Variants in LDLRAD4 observed in about 807,000 individuals in gnomAD.
LDLRAD4 encodes the protein low density lipoprotein receptor class A domain containing 4.
A neutral mutation model predicts 17.0 loss-of-function variants in LDLRAD4; 5 were observed. That is an observed-to-expected ratio of 0.29 (90% confidence interval 0.15 to 0.62). The LOEUF is 0.62. LDLRAD4 is among the 20% of genes least tolerant of loss of function. LDLRAD4 has a pLI of 0.84. For synonymous variants in LDLRAD4, 168 were observed against 171.8 expected, an observed-to-expected ratio of 0.98 and a Z score of 0.17; for missense variants, 340 against 424.7, an observed-to-expected ratio of 0.80 and a Z score of 1.75.
intron 1 of LDLRAD4, among the ~76,000 whole-genome samples, chr18:13,352,666 A>T (rs1316043337): frequency 6.6e-6 from 1 of 152,002 alleles, no homozygotes; most frequent in Non-Finnish European, 1.5e-5. Context: ...TCCTTCAAAT[A>T]ATATCTTCCT....
At chr18:13,217,897 C>G (rs1244999269), upstream of LDLRAD4, 3 of 151,278 alleles carry the variant, frequency 2.0e-5, no homozygotes, top group Non-Finnish European at 4.4e-5. The surrounding 1 kb of genome is among the most constrained non-coding windows in gnomAD (Gnocchi z 4.9). Context: ...AAAGTGGAAG[C>G]AGGGCGGGGA....
chr18:13,293,737 G>A (rs183563899), intron 1 of LDLRAD4, among the ~76,000 whole-genome samples: 1 of 152,312 alleles, frequency 6.6e-6, no homozygotes, highest in African/African-American at 2.4e-5. Context: ...TTTCCGCATT[G>A]CATGTTAATT....
Position 13,529,872 on chromosome 18 carries a change from G to A in LDLRAD4, c.182-91245G>A, listed in dbSNP as rs547617398. 2.1e-3 allele frequency among the ~76,000 whole-genome samples: 317 copies of A among 152,268 alleles called. 1 individual carries two copies. Among genetic ancestry groups the A allele is most frequent in the Non-Finnish European group, 2.9e-3 (197 of 68,020 alleles). ...GAGACTTCCATGGCACCATCCCACC[G>A]AGGTGGAAGAGGTTCCGTTTTGAAG... is the stretch of plus-strand genomic sequence containing the variant. On this transcript the variant is annotated intron_variant, in intron 3 of 5. Coordinates refer to ENST00000359446, the Ensembl canonical transcript of LDLRAD4.
At position 13,573,492 on chromosome 18, in the gene LDLRAD4, G is replaced by A. The variant is rs184948838; in HGVS notation, c.182-47625G>A. 3.5e-3 allele frequency among the ~76,000 whole-genome samples: 533 copies of A among 152,292 alleles called. 3 individuals are homozygous for A. Among genetic ancestry groups the A allele is most frequent in the Non-Finnish European group, 6.1e-3 (413 of 68,022 alleles). On this transcript the variant is annotated intron_variant, in intron 3 of 5. Transcript: ENST00000359446. ...TGGCCTCAGGTGATCTGCCCACCTC[G>A]GCCTCCCAAAGTGCTGGGATTACAG...
chr18:13,227,833 C>T (rs1019463632), intron 1 of LDLRAD4, among the ~76,000 whole-genome samples: 1 of 152,174 alleles, frequency 6.6e-6, no homozygotes, highest in African/African-American at 2.4e-5. Flanking sequence ...TGATCTATTC[C>T]CTTCCCATGA....
chr18:13,570,800 T>G (rs1395878305), intron 3 of LDLRAD4, among the ~76,000 whole-genome samples: 1 of 152,086 alleles, frequency 6.6e-6, no homozygotes, highest in Non-Finnish European at 1.5e-5. Flanking sequence ...CCTTCCTTCC[T>G]TCCCTTTCAT....
chr18:13,534,917 G>T (rs929963262), intron 3 of LDLRAD4, among the ~76,000 whole-genome samples: 1 of 152,192 alleles, frequency 6.6e-6, no homozygotes, highest in Non-Finnish European at 1.5e-5. Flanking sequence ...TAGTACAGTA[G>T]AAACATGCAT....
In LDLRAD4 at chr18:13,398,710, G is replaced by T. The variant is rs1389235712; in HGVS notation, c.40+10948G>T. 6.6e-6 allele frequency among the ~76,000 whole-genome samples: 1 copy of T among 152,110 alleles called. No individual in the cohort carries two copies. Among genetic ancestry groups the T allele is most frequent in the Non-Finnish European group, 1.5e-5 (1 of 68,020 alleles). Reference sequence around the variant, plus strand: ...CGCTCACAGAGAGGATAGGCAGTGTGCTGGTGGGCTGCTGGTGTCCTCACA... The same window carrying T: ...CGCTCACAGAGAGGATAGGCAGTGTTCTGGTGGGCTGCTGGTGTCCTCACA... On this transcript the variant is annotated intron_variant, in intron 2 of 5. Transcript: ENST00000359446. The surrounding 1 kb of genome is among the most constrained non-coding windows in gnomAD (Gnocchi z 4.8).
Position 13,645,765 on chromosome 18 carries a change from A to C in LDLRAD4, c.*108A>C. The stretch of plus-strand genomic sequence containing the variant: ...CAGTTTCACATGGTACAAATAAGTA[A>C]AACCAAATGAGCAAACACGGTCTTT... On this transcript the variant is annotated 3_prime_UTR_variant, in exon 6 of 6. Coordinates refer to ENST00000359446, the Ensembl canonical transcript of LDLRAD4. The surrounding 1 kb of genome is among the most constrained non-coding windows in gnomAD (Gnocchi z 5.7). 1 of 776,554 alleles carries C rather than the reference A, an allele frequency of 1.3e-6. No individual in the cohort carries two copies. The highest frequency in any genetic ancestry group is 1.8e-5 in the African/African-American group (1 of 56,866). 48.1% of individuals were successfully genotyped at this position (776,554 alleles called of 1,614,324 possible).
intron 1 of LDLRAD4, among the ~76,000 whole-genome samples, chr18:13,252,198 C>T (rs1420259973): frequency 6.6e-6 from 1 of 152,166 alleles, no homozygotes; most frequent in Non-Finnish European, 1.5e-5. Context: ...AATCTCGGCT[C>T]ACTGCAACCT....
At chr18:13,242,904 C>T (rs374328465) in intron 1 of LDLRAD4, among the ~76,000 whole-genome samples, 2 of 152,246 alleles carry the variant, frequency 1.3e-5, no homozygotes. Context: ...ACACAGTGGG[C>T]TTATCCACCT....
At chr18:13,258,148 T>G (rs1423779820) in intron 1 of LDLRAD4, among the ~76,000 whole-genome samples, 2 of 152,242 alleles carry the variant, frequency 1.3e-5, no homozygotes, top group Non-Finnish European at 2.9e-5. Context: ...GTTTTTCATT[T>G]ATTTACTTAG....
chr18:13,528,659 G>A (rs965388996), intron 3 of LDLRAD4, among the ~76,000 whole-genome samples: 4 of 152,212 alleles, frequency 2.6e-5, no homozygotes, highest in African/African-American at 4.8e-5. Flanking sequence ...CTCTCAACAA[G>A]GTTAGTATAA....
intron 2 of LDLRAD4, among the ~76,000 whole-genome samples, chr18:13,409,998 G>A (rs1193681417): frequency 1.3e-5 from 2 of 152,174 alleles, no homozygotes; most frequent in African/African-American, 4.8e-5. Context: ...CCCAGGGCAC[G>A]ACGCACTGAG....
chr18:13,327,325 G>T (rs1013136967), intron 1 of LDLRAD4, among the ~76,000 whole-genome samples: 1 of 152,050 alleles, frequency 6.6e-6, no homozygotes, highest in Non-Finnish European at 1.5e-5. Context: ...GATGATGAGT[G>T]TATGTGGCCC....
At chr18:13,644,792 G>A (rs558125658) in intron 5 of LDLRAD4, 1 of 266,792 alleles carries the variant, frequency 3.7e-6, no homozygotes, top group South Asian at 6.9e-5. Flanking sequence ...GTGACTCTTG[G>A]AGTTCCTAGT....
chr18:13,267,319 T>C (rs368404470), intron 1 of LDLRAD4, among the ~76,000 whole-genome samples: 12 of 152,336 alleles, frequency 7.9e-5, no homozygotes, highest in East Asian at 5.8e-4. Context: ...TGTGTGTGTC[T>C]GTGTTGTATT....
At chr18:13,445,865 G>T (rs1223569151) in intron 3 of LDLRAD4, among the ~76,000 whole-genome samples, 2 of 152,100 alleles carry the variant, frequency 1.3e-5, no homozygotes, top group Non-Finnish European at 2.9e-5. Flanking sequence ...GTGCATGAGT[G>T]TGTCACCTGG....
chr18:13,416,181 G>A (rs1229480906), intron 2 of LDLRAD4, among the ~76,000 whole-genome samples: 1 of 152,160 alleles, frequency 6.6e-6, no homozygotes, highest in Non-Finnish European at 1.5e-5. Context: ...GTTTCCCTTT[G>A]GCGAAGTGGG....
Sources: gnomAD v4.1 joint callset for allele counts (sites outside exome capture counted in the v4.1 genomes callset) on GRCh38, gnomAD v4.1.1 for gene constraint, Gnocchi (gnomAD v3.1) non-coding constraint, MANE v1.5 for transcripts, NCBI Gene and HGNC (gene_info 2026-07-23, HGNC 2026-07-21) for gene names.